The following RNF169 variants were observed in gnomAD, a reference collection of about 807,000 sequenced individuals.
RNF169 encodes the protein ring finger protein 169.
Under a neutral mutation model 53.9 loss-of-function variants are expected in RNF169, and 24 were observed. That is an observed-to-expected ratio of 0.45 (90% CI 0.32 to 0.63). The LOEUF is 0.63. Ranked by LOEUF, RNF169 falls within the 20% of genes least tolerant of loss-of-function variation. The probability of loss-of-function intolerance (pLI) is 0.04; values close to 1 mark genes in which losing one functional copy is unlikely to be tolerated. For synonymous variants in RNF169, 396 were observed against 363.5 expected, an observed-to-expected ratio of 1.09 and a Z score of -1.02; for missense variants, 883 against 906.2, an observed-to-expected ratio of 0.97 and a Z score of 0.33.
At chr11:74,817,771 A>C (rs1332134046) in intron 4 of RNF169, 57 bp downstream of exon 4, 5 of 1,077,386 alleles carry the variant, frequency 4.6e-6, no homozygotes, top group Non-Finnish European at 7.2e-6. Context: ...TATGAGATAA[A>C]AGGGACTGGG....
At chr11:74,769,018 G>C (rs1382129858) in intron 1 of RNF169, among the ~76,000 whole-genome samples, 1 of 152,076 alleles carries the variant, frequency 6.6e-6, no homozygotes, top group Admixed American at 6.6e-5. Flanking sequence ...TGACAGAAGC[G>C]AGACCCTGCC....
intron 1 of RNF169, among the ~76,000 whole-genome samples, chr11:74,763,371 A>G (rs531726230): frequency 3.3e-5 from 5 of 152,200 alleles, no homozygotes; most frequent in Non-Finnish European, 7.3e-5. Flanking sequence ...CAGATAGAAC[A>G]AGCAGGAGGA....
intron 2 of RNF169, among the ~76,000 whole-genome samples, chr11:74,792,649 C>T (rs1326024328): frequency 6.6e-6 from 1 of 152,150 alleles, no homozygotes; most frequent in Admixed American, 6.5e-5. Flanking sequence ...GATTCACCTG[C>T]CTCTGCCTCC....
chr11:74,825,723 TGATAAAC>T (rs1197551712), intron 4 of RNF169, among the ~76,000 whole-genome samples: 8 of 152,180 alleles, frequency 5.3e-5, no homozygotes, highest in African/African-American at 1.9e-4. Flanking sequence ...CCAATATCCT[TGATAAAC>T]ATCAATGCAA....
chr11:74,760,137 C>G (rs886080398), intron 1 of RNF169, among the ~76,000 whole-genome samples: 1 of 151,588 alleles, frequency 6.6e-6, no homozygotes, highest in African/African-American at 2.4e-5. Context: ...GTTTGTATTT[C>G]TGTGGGATTG....
intron 2 of RNF169, among the ~76,000 whole-genome samples, chr11:74,792,585 T>C (rs974711671): frequency 3.3e-4 from 50 of 151,936 alleles, no homozygotes; most frequent in African/African-American, 1.1e-3. Context: ...TATTTGTGAG[T>C]AGAGAGGGGG....
chr11:74,776,511 C>CAAAAAAAA (rs766527055), intron 1 of RNF169, among the ~76,000 whole-genome samples: 4 of 82,028 alleles, frequency 4.9e-5, no homozygotes, highest in African/African-American at 1.8e-4. Flanking sequence ...TTCATTCAGC[C>CAAAAAAAA]AAAAAAAAAA....
intron 1 of RNF169, among the ~76,000 whole-genome samples, chr11:74,768,288 T>C (rs527554452): frequency 7.2e-5 from 11 of 152,182 alleles, no homozygotes; most frequent in African/African-American, 2.2e-4. Context: ...GAGAAAAAAA[T>C]AGATCTTTAG....
At chr11:74,825,651 A>T (rs1249571900) in intron 4 of RNF169, among the ~76,000 whole-genome samples, 1 of 152,206 alleles carries the variant, frequency 6.6e-6, no homozygotes, top group African/African-American at 2.4e-5. Context: ...TCATTCTATA[A>T]GGCCTGCATC....
At chr11:74,759,967 G>T (rs1386023789) in intron 1 of RNF169, among the ~76,000 whole-genome samples, 1 of 150,954 alleles carries the variant, frequency 6.6e-6, no homozygotes, top group Admixed American at 6.6e-5. Flanking sequence ...GTAAACTATT[G>T]ATTATTGCCA....
chr11:74,788,008 A>G (rs1430463088), intron 1 of RNF169, among the ~76,000 whole-genome samples: 1 of 152,094 alleles, frequency 6.6e-6, no homozygotes, highest in African/African-American at 2.4e-5. Context: ...GTACCATGTA[A>G]AAAATTGAAT....
chr11:74,763,334 TG>T (rs538229328), intron 1 of RNF169, among the ~76,000 whole-genome samples: 170 of 152,232 alleles, frequency 1.1e-3, no homozygotes, highest in African/African-American at 4.0e-3. Flanking sequence ...CATGAGGAAA[TG>T]GCTTTGTACC....
intron 2 of RNF169, among the ~76,000 whole-genome samples, chr11:74,806,240 A>G (rs2035803757): frequency 6.6e-6 from 1 of 152,256 alleles, no homozygotes; most frequent in South Asian, 2.1e-4. Flanking sequence ...AAGCTGTTGT[A>G]GCTGTTGTAC....
At chr11:74,770,350 G>A (rs1203923363) in intron 1 of RNF169, among the ~76,000 whole-genome samples, 2 of 152,202 alleles carry the variant, frequency 1.3e-5, no homozygotes, top group East Asian at 3.8e-4. Context: ...TTTTCAAGGG[G>A]CTGGAAATAT....
chr11:74,768,051 A>T (rs1257448726), intron 1 of RNF169, among the ~76,000 whole-genome samples: 1 of 152,178 alleles, frequency 6.6e-6, no homozygotes, highest in Non-Finnish European at 1.5e-5. Flanking sequence ...GACCATTTTG[A>T]AGAACACGAT....
chr11:74,755,434 G>A (rs936823699), intron 1 of RNF169, among the ~76,000 whole-genome samples: 3 of 152,192 alleles, frequency 2.0e-5, no homozygotes, highest in Non-Finnish European at 4.4e-5. Flanking sequence ...TATGATGTAG[G>A]ATATGTTTGT....
At chr11:74,834,367 A>G (rs1479033233) in intron 4 of RNF169, among the ~76,000 whole-genome samples, 2 of 152,240 alleles carry the variant, frequency 1.3e-5, no homozygotes, top group African/African-American at 4.8e-5. Context: ...TATCCACCCT[A>G]TTAAGGATAG....
Position 74,836,112 on chromosome 11 carries a change from T to G in RNF169, c.1509T>G (p.His503Gln). The G allele has an allele frequency of 6.2e-7, 1 of 1,614,146 alleles. No individual in the cohort carries two copies. Among genetic ancestry groups the G allele is most frequent in the Non-Finnish European group, 8.5e-7 (1 of 1,180,032 alleles). The change falls in exon 6 of 6, where the codon CAT becomes CAG. Residue 503 changes from histidine (H) to glutamine (Q), a missense_variant. Transcript: ENST00000299563. ...GACCCACCTCTGCTGATCTTGATCA[T>G]TTCCCCTCTGTTAGCCAAACAAAAG... Reference protein sequence around the residue: ...YTGPTSADLDHFPSVSQTKAE... With the variant: ...YTGPTSADLDQFPSVSQTKAE...
In RNF169 at chr11:74,812,386, C is replaced by A. The variant is rs772250026; in HGVS notation, c.723+2056C>A. 2.0e-5 allele frequency among the ~76,000 whole-genome samples: 3 copies of A among 152,060 alleles called. No individual in the cohort carries two copies. The East Asian group carries it at 5.8e-4, about 29-fold the overall frequency. On this transcript the variant is annotated intron_variant, in intron 3 of 5. Transcript: ENST00000299563. ...CATGGTTCACTATAGTTTCGACCAC[C>A]CAGGGTCAAGCAATTCTCTCTCCTC...
Sources: gnomAD v4.1 joint callset for allele counts (sites outside exome capture counted in the v4.1 genomes callset) on GRCh38, gnomAD v4.1.1 for gene constraint, MANE v1.5 for transcripts, NCBI Gene and HGNC (gene_info 2026-07-23, HGNC 2026-07-21) for gene names.